FAN1: variants seen among roughly 807,000 people sequenced by gnomAD.
The protein encoded by FAN1 is FANCD2 and FANCI associated nuclease 1, also known as fanconi-associated nuclease 1.
A neutral mutation model predicts 104.9 loss-of-function variants in FAN1; 91 were observed. That is an observed-to-expected ratio of 0.87 (90% CI 0.73 to 1.03). FAN1 has a LOEUF of 1.03. Among genes scored for constraint, FAN1 ranks in the 50% least tolerant of loss-of-function variants. FAN1 has a pLI of 0.00. For synonymous variants in FAN1, 478 were observed against 457.6 expected (o/e 1.04, Z -0.57); for missense variants, 1,263 against 1,239.9 (o/e 1.02, Z -0.28).
At chr15:30,940,058 T>G in intron 14 of FAN1, 1 of 981,144 alleles carries the variant, frequency 1.0e-6, no homozygotes, top group Non-Finnish European at 1.2e-6. Flanking sequence ...TTGAAAACAC[T>G]TGTTTTAGAA....
At chr15:30,929,912 A>C (rs1335698041) in intron 12 of FAN1, among the ~76,000 whole-genome samples, 1 of 36,546 alleles carries the variant, frequency 2.7e-5, no homozygotes, top group Non-Finnish European at 5.3e-5. Flanking sequence ...TAAAATATAT[A>C]ATATATATCA....
intron 14 of FAN1, chr15:30,940,967 A>C (rs1179066786): frequency 9.1e-7 from 1 of 1,097,044 alleles, no homozygotes; most frequent in Non-Finnish European, 1.1e-6. Context: ...TAAAATCATA[A>C]ATTCTGGCCC....
chr15:30,918,844 T>C (rs1026824681), intron 6 of FAN1, among the ~76,000 whole-genome samples: 1 of 152,158 alleles, frequency 6.6e-6, no homozygotes, highest in Non-Finnish European at 1.5e-5. Context: ...GATGCCACTT[T>C]GAAAAAATCA....
chr15:30,914,505 C>T (rs529830531), intron 5 of FAN1, among the ~76,000 whole-genome samples: 233 of 152,282 alleles, frequency 1.5e-3, no homozygotes, highest in Non-Finnish European at 2.7e-3. Context: ...GCTGGGACCA[C>T]AGGCACATGC....
intron 12 of FAN1, among the ~76,000 whole-genome samples, chr15:30,930,271 A>AT (rs1434349824): frequency 6.6e-6 from 1 of 151,776 alleles, no homozygotes; most frequent in Non-Finnish European, 1.5e-5. Flanking sequence ...CATCCTCCAC[A>AT]TCCCTCTTCC....
intron 5 of FAN1, 32 bp downstream of exon 5, chr15:30,914,123 T>C: frequency 7.0e-7 from 1 of 1,420,746 alleles, no homozygotes; most frequent in South Asian, 1.2e-5. Context: ...ATAATGTCTA[T>C]ATGTGTATTT....
In FAN1 at chr15:30,905,870, A is replaced by G. The variant is rs1566908365; in HGVS notation, c.1207A>G (p.Ile403Val). The change falls in exon 2 of 15, where the codon ATT (isoleucine) becomes GTT (valine). Residue 403 changes from isoleucine to valine, a missense_variant. Ile to Val is a conservative substitution (Grantham distance 29, BLOSUM62 3). This residue lies in a region of FAN1 where 682 missense variants were observed against 571.1 expected (regional missense o/e 1.19). Coordinates refer to ENST00000362065, the MANE Select transcript of FAN1 (RefSeq NM_014967.5). ...GCTCTTTGATGAGCAGGAGAAGGGA[A>G]TTGTAACTAAATTTTATCAGTTATC... ...MLLFDEQEKG[I>V]VTKFYQLSAT... The G allele has an allele frequency of 6.2e-7, 1 of 1,613,112 alleles. No homozygotes were observed. Among genetic ancestry groups the G allele is most frequent in the South Asian group, 1.1e-5 (1 of 91,066 alleles).
chr15:30,929,781 ATATC>A, intron 12 of FAN1, among the ~76,000 whole-genome samples: 3 of 50,618 alleles, frequency 5.9e-5, no homozygotes, highest in African/African-American at 2.6e-4. Context: ...ATAATATATT[ATATC>A]ATATATAATA....
intron 7 of FAN1, 27 bp from the exon 8 acceptor site, chr15:30,922,208 G>A: frequency 6.3e-7 from 1 of 1,597,722 alleles, no homozygotes; most frequent in Non-Finnish European, 8.5e-7. Flanking sequence ...TGAATCTAAT[G>A]AGGTTTCTTT....
chr15:30,913,118 A>G (rs1167817696), intron 4 of FAN1, among the ~76,000 whole-genome samples: 1 of 152,218 alleles, frequency 6.6e-6, no homozygotes, highest in Non-Finnish European at 1.5e-5. Context: ...ACACAGCAGA[A>G]GGTGAGCAGT....
intron 4 of FAN1, among the ~76,000 whole-genome samples, chr15:30,912,331 AT>A (rs1463965753): frequency 1.3e-5 from 2 of 152,214 alleles, no homozygotes; most frequent in Non-Finnish European, 2.9e-5. Flanking sequence ...TGCTGTTATG[AT>A]AAAGAAACAG....
At position 30,942,731 on chromosome 15, in the gene FAN1, G is replaced by A. The variant is rs2063096008; in HGVS notation, c.*1169G>A. 1 of 711,798 alleles carries A rather than the reference G, an allele frequency of 1.4e-6. No individual in the cohort carries two copies. The highest frequency in any genetic ancestry group is 2.2e-6 in the Non-Finnish European group (1 of 464,228). The allele number at this position is 711,798 out of a possible 1,614,324, so 44.1% of individuals were successfully genotyped here. A position where few individuals can be genotyped will look rare whatever the true frequency, so the allele number is the denominator to read the frequency against. ...GGCCTCAGACACCAGGAAGAAAGCT[G>A]GGATACAGTCATTTGAGTTAAAAAG... On this transcript the variant is annotated 3_prime_UTR_variant, in exon 15 of 15. Transcript: ENST00000362065.
intron 11 of FAN1, 66 bp from the exon 12 acceptor site, chr15:30,929,137 C>T: frequency 7.0e-7 from 1 of 1,420,296 alleles, no homozygotes; most frequent in South Asian, 1.2e-5. Flanking sequence ...TATGTACTGA[C>T]TAGTCCTCTG....
intron 5 of FAN1, among the ~76,000 whole-genome samples, chr15:30,914,554 A>G (rs2062163309): frequency 6.6e-6 from 1 of 152,104 alleles, no homozygotes; most frequent in Non-Finnish European, 1.5e-5. Context: ...TTTGGTAGAG[A>G]TGGGGTTTCA....
chr15:30,917,739 C>T (rs1362824974), intron 5 of FAN1, among the ~76,000 whole-genome samples: 1 of 152,212 alleles, frequency 6.6e-6, no homozygotes, highest in Non-Finnish European at 1.5e-5. Flanking sequence ...ATCTTCTTAG[C>T]TTGGGCAGCA....
Position 30,905,788 on chromosome 15 carries a change from C to T in FAN1, c.1125C>T (p.Tyr375=), listed in dbSNP as rs764727570. The part of the protein sequence containing the change: ...GPGQTTGHPY[Y]LRSFLVVLKT... Reference sequence around the variant, plus strand: ...GTCAAACAACCGGTCATCCTTACTACCTTCGGAGTTTCCTTGTGGTGCTGA... The same window carrying T: ...GTCAAACAACCGGTCATCCTTACTATCTTCGGAGTTTCCTTGTGGTGCTGA... Residue 375 remains tyrosine (Y), a synonymous_variant, in exon 2 of 15, where the codon TAC becomes TAT. Transcript: ENST00000362065. 1 of 1,614,202 alleles carries T rather than the reference C, an allele frequency of 6.2e-7. No individual in the cohort carries two copies.
chr15:30,904,936 T>G lies in FAN1; in HGVS notation c.273T>G (p.Ser91Arg), dbSNP rs2061939204. The change falls in exon 2 of 15, where the codon AGT becomes AGG. Residue 91 changes from serine to arginine, a missense_variant. This residue lies in a region of FAN1 where 682 missense variants were observed against 571.1 expected (regional missense o/e 1.19). Transcript: ENST00000362065. ...NSNVSMVDLT[S>R]VTLEDVTPKK... ...ATGTGTCTATGGTAGATTTAACCAGTGTTACCTTAGAAGATGTAACACCTA... is the reference window on the plus strand; with the variant it reads ...ATGTGTCTATGGTAGATTTAACCAGGGTTACCTTAGAAGATGTAACACCTA... 6.2e-7 allele frequency: 1 copy of G among 1,614,034 alleles called. No individual in the cohort carries two copies. Among genetic ancestry groups the G allele is most frequent in the African/African-American group, 1.3e-5 (1 of 75,038 alleles).
Position 30,939,728 on chromosome 15 carries a change from A to G in FAN1, c.*4-1838A>G, listed in dbSNP as rs8029314. On this transcript the variant is annotated intron_variant, in intron 14 of 14. Coordinates refer to ENST00000362065, the MANE Select transcript of FAN1 (RefSeq NM_014967.5). ...CCAAAACATTTAGTAATAATAAAAA[A>G]GCAGCTAAATGAAAAAGGGAGAATT... is the stretch of plus-strand genomic sequence containing the variant. The G allele has an allele frequency of 5.4e-3, 5,256 of 981,022 alleles. 207 individuals carry two copies. The African/African-American group carries it at 0.084, about 16-fold the overall frequency. 60.8% of individuals were successfully genotyped at this position (981,022 alleles called of 1,614,324 possible). A position where few individuals can be genotyped will look rare whatever the true frequency, so the allele number is the denominator to read the frequency against.
At chr15:30,924,378 T>C (rs1323518036) in intron 8 of FAN1, among the ~76,000 whole-genome samples, 1 of 152,218 alleles carries the variant, frequency 6.6e-6, no homozygotes, top group Non-Finnish European at 1.5e-5. Context: ...CCTGTGGTGA[T>C]TCTGTGTTGA....
Sources: allele counts gnomAD v4.1 joint callset (sites outside exome capture counted in the v4.1 genomes callset), GRCh38; gene constraint gnomAD v4.1.1; regional missense constraint gnomAD v4.1.1; transcripts MANE v1.5; gene names NCBI Gene and HGNC (gene_info 2026-07-23, HGNC 2026-07-21).